SF3B3: variants seen among roughly 807,000 people sequenced by gnomAD.
The protein encoded by SF3B3 is splicing factor 3b subunit 3.
A neutral mutation model predicts 139.2 loss-of-function variants in SF3B3; 33 were observed. The ratio of observed to expected loss-of-function variants is 0.24; its 90% confidence interval spans 0.18 to 0.32. The LOEUF is 0.32. Among genes scored for constraint, SF3B3 ranks in the 10% least tolerant of loss-of-function variants. The pLI is 1.00. For synonymous variants in SF3B3, 596 were observed against 563.6 expected (o/e 1.06, Z -0.81); for missense variants, 818 against 1,509.4 (o/e 0.54, Z 7.59).
intron 22 of SF3B3, among the ~76,000 whole-genome samples, 183 bp from the exon 23 acceptor site, chr16:70,568,860 A>AGTT (rs1261125435): frequency 1.3e-5 from 2 of 152,126 alleles, no homozygotes; most frequent in African/African-American, 4.8e-5. Flanking sequence ...GATTCTTTTG[A>AGTT]GTTTCTTGCT....
intron 1 of SF3B3, 140 bp from the exon 2 acceptor site, chr16:70,526,447 C>A (rs1167419245): frequency 5.9e-6 from 3 of 507,712 alleles, no homozygotes; most frequent in South Asian, 3.1e-5. Flanking sequence ...ACCTCGTGAG[C>A]CACCACGCCC....
chr16:70,552,732 A>G (rs991890715), intron 11 of SF3B3, among the ~76,000 whole-genome samples: 1 of 152,200 alleles, frequency 6.6e-6, no homozygotes, highest in Non-Finnish European at 1.5e-5. Flanking sequence ...CAGTAGGTAC[A>G]TATATATGCA....
chr16:70,566,587 T>C (rs924995075), intron 20 of SF3B3, among the ~76,000 whole-genome samples: 1 of 152,106 alleles, frequency 6.6e-6, no homozygotes. Flanking sequence ...ATTAAGATGG[T>C]AAACTTTATG....
intron 15 of SF3B3, among the ~76,000 whole-genome samples, chr16:70,559,541 G>C (rs1483424007): frequency 6.6e-6 from 1 of 152,086 alleles, no homozygotes; most frequent in Non-Finnish European, 1.5e-5. Flanking sequence ...ACAAAAAATA[G>C]TTGGGAATGG....
At chr16:70,546,985 G>T (rs557781162) in intron 10 of SF3B3, among the ~76,000 whole-genome samples, 1 of 150,994 alleles carries the variant, frequency 6.6e-6, no homozygotes, top group African/African-American at 2.4e-5. Context: ...CCAAGATCGC[G>T]CCATTGCACT....
intron 4 of SF3B3, 85 bp downstream of exon 4, chr16:70,531,002 T>A: frequency 1.6e-6 from 2 of 1,242,176 alleles, no homozygotes; most frequent in East Asian, 2.3e-5. Flanking sequence ...GCGTGGTGGC[T>A]CACGCCTGTA....
At chr16:70,558,742 T>C (rs2050401079) in intron 15 of SF3B3, among the ~76,000 whole-genome samples, 1 of 152,086 alleles carries the variant, frequency 6.6e-6, no homozygotes, top group Non-Finnish European at 1.5e-5. Context: ...GTTTATGGTG[T>C]GCACCACTAC....
intron 17 of SF3B3, chr16:70,563,674 T>G (rs1325016791): frequency 1.8e-6 from 1 of 546,852 alleles, no homozygotes; most frequent in Admixed American, 3.3e-5. Context: ...TGGTAGGGTG[T>G]TGCCAAATGG....
intron 23 of SF3B3, 130 bp from the exon 24 acceptor site, chr16:70,569,875 CG>C (rs1326558302): frequency 6.1e-6 from 6 of 980,860 alleles, no homozygotes; most frequent in Non-Finnish European, 9.1e-6. Flanking sequence ...AATCCTCCCA[CG>C]TTGGCCTCTA....
chr16:70,537,935 C>T, intron 6 of SF3B3: 1 of 477,394 alleles, frequency 2.1e-6, no homozygotes, highest in South Asian at 1.5e-5. Context: ...AAAGTCATAC[C>T]TAAGGAGGTG....
At chr16:70,567,384 G>A in intron 20 of SF3B3, 27 bp from the exon 21 acceptor site, 1 of 1,598,014 alleles carries the variant, frequency 6.3e-7, no homozygotes, top group African/African-American at 1.3e-5. Context: ...ATTTATAATA[G>A]CTGTATTACC....
At chr16:70,551,355 A>G (rs897820427) in intron 11 of SF3B3, among the ~76,000 whole-genome samples, 3 of 152,190 alleles carry the variant, frequency 2.0e-5, no homozygotes, top group African/African-American at 7.2e-5. Context: ...TGGATGGTAC[A>G]GTTCCTAGTC....
Position 70,573,168 on chromosome 16 carries a change from A to C in SF3B3, c.*1355A>C, listed in dbSNP as rs1322994289. 2 of 152,210 alleles carry C rather than the reference A, an allele frequency of 1.3e-5. No homozygotes were observed. Among genetic ancestry groups the C allele is most frequent in the Non-Finnish European group, 2.9e-5 (2 of 68,038 alleles). 9.4% of individuals were successfully genotyped at this position (152,210 alleles called of 1,614,324 possible). A position where few individuals can be genotyped will look rare whatever the true frequency, so the allele number is the denominator to read the frequency against. On this transcript the variant is annotated 3_prime_UTR_variant, in exon 26 of 26. Transcript: ENST00000302516. ...GTTTTAGATCAGTCAAGAGAGACCCAGGTTTTGCCAGGAATCGAATCCCTA... is the reference window on the plus strand; with the variant it reads ...GTTTTAGATCAGTCAAGAGAGACCCCGGTTTTGCCAGGAATCGAATCCCTA...
At chr16:70,563,095 G>A (rs2050444800) in intron 17 of SF3B3, among the ~76,000 whole-genome samples, 1 of 152,024 alleles carries the variant, frequency 6.6e-6, no homozygotes, top group Admixed American at 6.6e-5. Flanking sequence ...AGCCTCCCAA[G>A]TAGCTGGGAC....
chr16:70,548,225 T>C lies in SF3B3; in HGVS notation c.1330-145T>C, dbSNP rs976291889. The C allele has an allele frequency of 4.6e-4, 304 of 664,702 alleles. 2 individuals carry two copies. The highest frequency in any genetic ancestry group is 5.2e-4 in the Admixed American group (20 of 38,812). 41.2% of individuals were successfully genotyped at this position (664,702 alleles called of 1,614,324 possible). ...AGAACCAGCCTGTTTGGTTCTTAGA[T>C]TCTTCTTTCACTAGGTGGTTTCATC... On this transcript the variant is annotated intron_variant, in intron 10 of 25. Coordinates refer to ENST00000302516, the MANE Select transcript of SF3B3 (RefSeq NM_012426.5).
At chr16:70,553,810 CA>C (rs1452231529) in intron 11 of SF3B3, among the ~76,000 whole-genome samples, 2 of 152,178 alleles carry the variant, frequency 1.3e-5, no homozygotes, top group Non-Finnish European at 2.9e-5. Context: ...CTCATGACCA[CA>C]GGATTGTTCT....
At chr16:70,529,579 G>A (rs1303819827) in intron 3 of SF3B3, 2 of 222,036 alleles carry the variant, frequency 9.0e-6, no homozygotes, top group Admixed American at 5.3e-5. Context: ...TTGTGTGTCT[G>A]ATCAGGCCTC....
chr16:70,536,903 C>G (rs910432469), intron 6 of SF3B3, among the ~76,000 whole-genome samples: 2 of 151,398 alleles, frequency 1.3e-5, no homozygotes, highest in African/African-American at 4.9e-5. Context: ...CTTGACCTCC[C>G]AGTCTCAAGT....
rs1260396222 is a variant in SF3B3, at chr16:70,544,518, A to C, written c.1314A>C (p.Leu438=). 1.2e-6 allele frequency: 2 copies of C among 1,603,918 alleles called. No homozygotes were observed. Among genetic ancestry groups the C allele is most frequent in the Admixed American group, 3.3e-5 (2 of 60,000 alleles). Residue 438 remains leucine, a synonymous_variant, in exon 10 of 26, where the codon CTA becomes CTC. Coordinates refer to ENST00000302516, the MANE Select transcript of SF3B3 (RefSeq NM_012426.5). ...GRGPRSSLRV[L]RHGLEVSEMA... is the part of the protein sequence containing the mutation. The stretch of plus-strand genomic sequence containing the variant: ...GACCCCGATCATCTCTGAGAGTCCT[A>C]AGACATGGACTTGAGGTAAGGTTGC...
Sources: allele counts gnomAD v4.1 joint callset (sites outside exome capture counted in the v4.1 genomes callset), GRCh38; gene constraint gnomAD v4.1.1; transcripts MANE v1.5; gene names NCBI Gene and HGNC (gene_info 2026-07-23, HGNC 2026-07-21).